KIAA2013: variants seen among roughly 807,000 people sequenced by gnomAD.
KIAA2013 encodes uncharacterized protein KIAA2013.
KIAA2013 carries 20 observed loss-of-function variants against 39.9 expected under a neutral mutation model. That is an observed-to-expected ratio of 0.50 (90% CI 0.35 to 0.73). KIAA2013 has a LOEUF of 0.73. KIAA2013 is among the 30% of genes least tolerant of loss of function. The pLI is 0.01. For synonymous variants in KIAA2013, 336 were observed against 416.6 expected (o/e 0.81, Z 2.35); for missense variants, 587 against 856.1 (o/e 0.69, Z 3.92).
At position 11,920,186 on chromosome 1, in the gene KIAA2013, C is replaced by T. The variant is rs543788617; in HGVS notation, c.*129G>A. The T allele has an allele frequency of 2.6e-5, 25 of 964,330 alleles. No homozygotes were observed. Among genetic ancestry groups the T allele is most frequent in the African/African-American group, 1.9e-4 (12 of 62,634 alleles). The allele number at this position is 964,330 out of a possible 1,614,324, so 59.7% of individuals were successfully genotyped here. A position where few individuals can be genotyped will look rare whatever the true frequency, so the allele number is the denominator to read the frequency against. On this transcript the variant is annotated 3_prime_UTR_variant, in exon 3 of 3. Coordinates refer to ENST00000376572, the MANE Select transcript of KIAA2013 (RefSeq NM_138346.3). ...TCTGGTGTATCCACACTCACTTCTG[C>T]GTCACCGGTTTCCCCCAACAAGGCA...
At position 11,925,943 on chromosome 1, in the gene KIAA2013, C is replaced by A; in HGVS notation, c.295G>T (p.Ala99Ser). Residue 99 changes from alanine (A) to serine (S), a missense_variant, in exon 1 of 3, where the codon GCC becomes TCC. Coordinates refer to ENST00000376572, the MANE Select transcript of KIAA2013 (RefSeq NM_138346.3). This position sits in a 1 kb window ranked among gnomAD's most constrained non-coding sequence, Gnocchi z 5.2. ...AGCCGATTGGCAGCCACGTCCAGGG[C>A]CAGGAAGCCGTTGGCCACCAGGGCC... ...VPALVANGFL[A>S]LDVAANRLWV... 6.5e-7 allele frequency: 1 copy of A among 1,537,298 alleles called. No individual in the cohort carries two copies. Among genetic ancestry groups the A allele is most frequent in the Non-Finnish European group, 8.7e-7 (1 of 1,149,404 alleles).
At chr1:11,924,126 A>T (rs1645491284) in intron 1 of KIAA2013, among the ~76,000 whole-genome samples, 1 of 151,932 alleles carries the variant, frequency 6.6e-6, no homozygotes, top group East Asian at 1.9e-4. Flanking sequence ...CAACAGCCCT[A>T]AGATTTAAAA....
At chr1:11,921,384 A>C (rs1248462902) in intron 2 of KIAA2013, among the ~76,000 whole-genome samples, 1 of 152,070 alleles carries the variant, frequency 6.6e-6, no homozygotes, top group African/African-American at 2.4e-5. Context: ...TGCTAACGAG[A>C]TGGCCACTCT....
At position 11,926,078 on chromosome 1, in the gene KIAA2013, G is replaced by C. The variant is rs1479316797; in HGVS notation, c.160C>G (p.Arg54Gly). ...AGGLHLLPWS[R>G]GEPGAAEPSA... ...GGCTCGGCGGCGCCCGGCTCACCGC[G>C]GGACCAGGGCAGCAGGTGCAGGCCG... The change falls in exon 1 of 3, where the codon CGC becomes GGC. Residue 54 changes from arginine to glycine, a missense_variant. Transcript: ENST00000376572. 1.6e-5 allele frequency: 23 copies of C among 1,462,128 alleles called. No individual in the cohort carries two copies. The highest frequency in any genetic ancestry group is 2.1e-5 in the Non-Finnish European group (23 of 1,115,142). The allele number at this position is 1,462,128 out of a possible 1,614,324, so 90.6% of individuals were successfully genotyped here.
chr1:11,919,966 G>A lies in KIAA2013; in HGVS notation c.*349C>T. ...AAAGAACACGTTAAATTAGGAAAAG[G>A]ACACAACTTTTCCTAGACAAGAGTC... On this transcript the variant is annotated 3_prime_UTR_variant, in exon 3 of 3. Coordinates refer to ENST00000376572, the MANE Select transcript of KIAA2013 (RefSeq NM_138346.3). 1 of 353,626 alleles carries A rather than the reference G, an allele frequency of 2.8e-6. No homozygotes were observed. Among genetic ancestry groups the A allele is most frequent in the Non-Finnish European group, 5.2e-6 (1 of 193,374 alleles). The allele number at this position is 353,626 out of a possible 1,614,324, so 21.9% of individuals were successfully genotyped here. A position where few individuals can be genotyped will look rare whatever the true frequency, so the allele number is the denominator to read the frequency against.
At chr1:11,922,465 T>A in intron 2 of KIAA2013, 171 bp downstream of exon 2, 1 of 1,471,866 alleles carries the variant, frequency 6.8e-7, no homozygotes, top group Non-Finnish European at 9.0e-7. Flanking sequence ...CCCTTCCTCG[T>A]CGTCTCCTCT....
intron 2 of KIAA2013, 83 bp from the exon 3 acceptor site, chr1:11,920,415 C>T (rs1645467548): frequency 7.3e-7 from 1 of 1,369,840 alleles, no homozygotes; most frequent in Admixed American, 1.7e-5. Flanking sequence ...CGGAGACAAC[C>T]CTAGTGGCAC....
chr1:11,920,167 G>C lies in KIAA2013; in HGVS notation c.*148C>G. 3.6e-6 allele frequency: 3 copies of C among 829,810 alleles called. No homozygotes were observed. Among genetic ancestry groups the C allele is most frequent in the Non-Finnish European group, 6.3e-6 (3 of 479,556 alleles). 51.4% of individuals were successfully genotyped at this position (829,810 alleles called of 1,614,324 possible). ...CATTCCTTCCAATGCAAACTCTGGT[G>C]TATCCACACTCACTTCTGCGTCACC... On this transcript the variant is annotated 3_prime_UTR_variant, in exon 3 of 3. Transcript: ENST00000376572.
rs1645490799 is a variant in KIAA2013 at position 11,923,981 on chromosome 1, T to C, written c.1034-492A>G. Reference sequence around the variant, plus strand: ...CCTCCGCCTCCCGGGTTCAAGTGATTCTCCCGTCTCAGCCTTTGAGTAGCT... The same window carrying C: ...CCTCCGCCTCCCGGGTTCAAGTGATCCTCCCGTCTCAGCCTTTGAGTAGCT... On this transcript the variant is annotated intron_variant, in intron 1 of 2. Transcript: ENST00000376572. The surrounding 1 kb of genome is among the most constrained non-coding windows in gnomAD (Gnocchi z 4.6). 6.6e-6 allele frequency among the ~76,000 whole-genome samples: 1 copy of C among 152,116 alleles called. No homozygotes were observed. Among genetic ancestry groups the C allele is most frequent in the Admixed American group, 6.5e-5 (1 of 15,268 alleles).
Position 11,923,064 on chromosome 1 carries a change from G to C in KIAA2013, c.1459C>G (p.Arg487Gly). The C allele has an allele frequency of 3.1e-6, 5 of 1,610,960 alleles. No homozygotes were observed. The highest frequency in any genetic ancestry group is 4.2e-6 in the Non-Finnish European group (5 of 1,177,526). The change falls in exon 2 of 3, where the codon CGC (arginine) becomes GGC (glycine). Residue 487 changes from arginine to glycine, a missense_variant. Transcript: ENST00000376572. The surrounding 1 kb of genome is among the most constrained non-coding windows in gnomAD (Gnocchi z 4.6). ...AGGTTGATATGGTCGTTCTTGTAGC[G>C]GATGCCATGCAATGCATAGCTGTTG... ...LHNSYALHGIRYKNDHINLAV... is the reference protein window; with the variant it reads ...LHNSYALHGIGYKNDHINLAV...
rs2100720827 is a variant in KIAA2013, at chr1:11,923,864, T to TTATG, written c.1034-379_1034-376dup. Among the ~76,000 whole-genome samples the TTATG allele has an allele frequency of 6.6e-6, 1 of 152,258 alleles. No individual in the cohort carries two copies. The highest frequency in any genetic ancestry group is 2.4e-5 in the African/African-American group (1 of 41,530). ...CCTTTCTCTCTCCAGTCTTGTAGCT[T>TTATG]TATGTATGTATGTATTTATTTGTTT... On this transcript the variant is annotated intron_variant, in intron 1 of 2. Transcript: ENST00000376572. The surrounding 1 kb of genome is among the most constrained non-coding windows in gnomAD (Gnocchi z 4.6).
Position 11,923,192 on chromosome 1 carries a change from T to C in KIAA2013, c.1331A>G (p.Lys444Arg), listed in dbSNP as rs1446886856. The C allele has an allele frequency of 6.2e-7, 1 of 1,613,560 alleles. No individual in the cohort carries two copies. Among genetic ancestry groups the C allele is most frequent in the African/African-American group, 1.3e-5 (1 of 74,938 alleles). Reference protein sequence around the residue: ...LQKRGCKGLVKVGAPGILQGM... With the variant: ...LQKRGCKGLVRVGAPGILQGM... Reference sequence around the variant, plus strand: ...CTGCAGGATGCCTGGGGCACCCACCTTCACCAGCCCCTTGCAGCCACGCTT... The same window carrying C: ...CTGCAGGATGCCTGGGGCACCCACCCTCACCAGCCCCTTGCAGCCACGCTT... Residue 444 changes from lysine to arginine, a missense_variant, in exon 2 of 3, where the codon AAG becomes AGG. Transcript: ENST00000376572. The surrounding 1 kb of genome is among the most constrained non-coding windows in gnomAD (Gnocchi z 4.6).
Position 11,926,378 on chromosome 1 carries a change from G to T in KIAA2013, c.-141C>A. 9.9e-6 allele frequency: 2 copies of T among 201,454 alleles called. No individual in the cohort carries two copies. Among genetic ancestry groups the T allele is most frequent in the Non-Finnish European group, 8.9e-6 (1 of 112,552 alleles). The allele number at this position is 201,454 out of a possible 1,614,324, so 12.5% of individuals were successfully genotyped here. ...CCCCGCCGCAACCGCCGCAGCAGCC[G>T]CCACCCCTGCTTCCTCCTTCTTCTC... On this transcript the variant is annotated 5_prime_UTR_variant, in exon 1 of 3. Coordinates refer to ENST00000376572, the MANE Select transcript of KIAA2013 (RefSeq NM_138346.3).
At position 11,925,594 on chromosome 1, in the gene KIAA2013, A is replaced by G; in HGVS notation, c.644T>C (p.Val215Ala). The G allele has an allele frequency of 6.2e-7, 1 of 1,609,766 alleles. No individual in the cohort carries two copies. The highest frequency in any genetic ancestry group is 1.1e-5 in the South Asian group (1 of 90,772). The change falls in exon 1 of 3, where the codon GTG becomes GCG. Residue 215 changes from valine (V) to alanine (A), a missense_variant. By Grantham distance (64) the Val-to-Ala change is moderately conservative. Transcript: ENST00000376572. This position sits in a 1 kb window ranked among gnomAD's most constrained non-coding sequence, Gnocchi z 5.2. ...RIQLNNPTER[V>A]AALQTVGPTA... is the part of the protein sequence containing the mutation. Reference sequence around the variant, plus strand: ...GGGCCCCACAGTCTGCAGCGCGGCCACGCGCTCCGTGGGGTTGTTGAGCTG... The same window carrying G: ...GGGCCCCACAGTCTGCAGCGCGGCCGCGCGCTCCGTGGGGTTGTTGAGCTG...
Position 11,925,214 on chromosome 1 carries a change from AGAGCT to A in KIAA2013, c.1019_1023del (p.Gln340LeufsTer12), listed in dbSNP as rs1251966872. The stretch of plus-strand genomic sequence containing the variant: ...GCTGGCCAGGACTCACCTGGGCTGA[AGAGCT>A]GAGCCCAGAGGAGCTGGTGGTCTTG... On this transcript the variant is annotated frameshift_variant, in exon 1 of 3. Transcript: ENST00000376572. LOFTEE classifies it high-confidence loss of function. The surrounding 1 kb of genome is among the most constrained non-coding windows in gnomAD (Gnocchi z 5.2). 1.3e-6 allele frequency: 2 copies of A among 1,581,750 alleles called. No homozygotes were observed. Among genetic ancestry groups the A allele is most frequent in the Non-Finnish European group, 1.7e-6 (2 of 1,162,922 alleles).
rs191048576 is a variant in KIAA2013, at chr1:11,922,731, C to T, written c.1792G>A (p.Val598Met). 66 of 1,613,906 alleles carry T rather than the reference C, an allele frequency of 4.1e-5. No homozygotes were observed. In the South Asian group the frequency reaches 5.8e-4, roughly 14 times the overall value. The change falls in exon 2 of 3, where the codon GTG becomes ATG. Residue 598 changes from valine (V) to methionine (M), a missense_variant. Physicochemically the swap from Val to Met is conservative, Grantham distance 21. Coordinates refer to ENST00000376572, the MANE Select transcript of KIAA2013 (RefSeq NM_138346.3). The part of the protein sequence containing the change: ...PGLPFLFWFS[V>M]ASLITLFHLF... ...TGGAAGAGGGTGATTAGGGAGGCCA[C>T]GCTGAACCAGAAGAGGAAGGGCAGC...
chr1:11,923,163 T>C lies in KIAA2013; in HGVS notation c.1360A>G (p.Met454Val), dbSNP rs1242549985. The C allele has an allele frequency of 1.2e-6, 2 of 1,613,330 alleles. No homozygotes were observed. Among genetic ancestry groups the C allele is most frequent in the Non-Finnish European group, 1.7e-6 (2 of 1,179,724 alleles). ...TGCAGCCCCCCAAAGCTGAGCACCATCCCCTGCAGGATGCCTGGGGCACCC... is the reference window on the plus strand; with the variant it reads ...TGCAGCCCCCCAAAGCTGAGCACCACCCCCTGCAGGATGCCTGGGGCACCC... ...KVGAPGILQG[M>V]VLSFGGLQFT... is the part of the protein sequence containing the mutation. Residue 454 changes from methionine to valine, a missense_variant, in exon 2 of 3, where the codon ATG (methionine) becomes GTG (valine). Transcript: ENST00000376572. This position sits in a 1 kb window ranked among gnomAD's most constrained non-coding sequence, Gnocchi z 4.6.
At position 11,923,664 on chromosome 1, in the gene KIAA2013, A is replaced by G. The variant is rs1645488938; in HGVS notation, c.1034-175T>C. On this transcript the variant is annotated intron_variant, in intron 1 of 2. Transcript: ENST00000376572. The surrounding 1 kb of genome is among the most constrained non-coding windows in gnomAD (Gnocchi z 4.6). ...TCAGCCTGTCTTGTTTACACGACCA[A>G]CTTGAGCCTGTGGGCCTGAAATCTA... Among the ~76,000 whole-genome samples, 1 of 152,128 alleles carries G rather than the reference A, an allele frequency of 6.6e-6. No homozygotes were observed. The highest frequency in any genetic ancestry group is 6.5e-5 in the Admixed American group (1 of 15,270).
chr1:11,921,521 T>C (rs1471189424), intron 2 of KIAA2013, among the ~76,000 whole-genome samples: 1 of 151,764 alleles, frequency 6.6e-6, no homozygotes, highest in Non-Finnish European at 1.5e-5. Context: ...TTGCAGTTAT[T>C]TTTATTTTAT....
Sources: allele counts gnomAD v4.1 joint callset (sites outside exome capture counted in the v4.1 genomes callset), GRCh38; gene constraint gnomAD v4.1.1; non-coding constraint Gnocchi (gnomAD v3.1); transcripts MANE v1.5; gene names NCBI Gene and HGNC (gene_info 2026-07-23, HGNC 2026-07-21).